The following RPS6KC1 variants were observed in gnomAD, a reference collection of about 807,000 sequenced individuals.
The protein encoded by RPS6KC1 is ribosomal protein S6 kinase C1.
A neutral mutation model predicts 103.8 loss-of-function variants in RPS6KC1; 54 were observed. That is an observed-to-expected ratio of 0.52 (90% confidence interval 0.42 to 0.65). RPS6KC1 has a LOEUF of 0.65. RPS6KC1 is among the 30% of genes least tolerant of loss of function. The pLI is 0.00. For missense variants in RPS6KC1, 1,151 were observed against 1,253.8 expected (o/e 0.92, Z 1.24); for synonymous variants, 439 against 438.7 (o/e 1.00, Z -0.01).
chr1:213,365,580 A>C, the RPS6KC1 span, among the ~76,000 whole-genome samples: 1 of 152,236 alleles, frequency 6.6e-6, no homozygotes, highest in Non-Finnish European at 1.5e-5. Context: ...AGAAGATAAA[A>C]ACTTTTGGCC....
the RPS6KC1 span, among the ~76,000 whole-genome samples, chr1:213,536,523 G>A: frequency 6.6e-6 from 1 of 152,170 alleles, no homozygotes; most frequent in African/African-American, 2.4e-5. Flanking sequence ...ACAACACCTG[G>A]GGTATAGTGA....
chr1:213,583,558 T>C, the RPS6KC1 span, among the ~76,000 whole-genome samples: 5 of 152,048 alleles, frequency 3.3e-5, no homozygotes, highest in Non-Finnish European at 7.4e-5. Flanking sequence ...CGATGGCTCA[T>C]GACTGTAATC....
At chr1:213,319,315 A>AAG in the RPS6KC1 span, among the ~76,000 whole-genome samples, 10 of 151,086 alleles carry the variant, frequency 6.6e-5, no homozygotes, top group East Asian at 9.7e-4. Context: ...TCTGTCTCAA[A>AAG]AAAAAAAAAA....
At chr1:213,385,503 A>T in the RPS6KC1 span, among the ~76,000 whole-genome samples, 11 of 152,154 alleles carry the variant, frequency 7.2e-5, no homozygotes, top group Admixed American at 2.6e-4. Flanking sequence ...GGTAACATTG[A>T]CGTGGTGGAG....
At chr1:213,059,822 G>A (rs1211734230) in intron 1 of RPS6KC1, among the ~76,000 whole-genome samples, 7 of 152,218 alleles carry the variant, frequency 4.6e-5, no homozygotes, top group Non-Finnish European at 7.4e-5. Context: ...ACAGGCACCC[G>A]CCACCGTGCC....
intron 6 of RPS6KC1, among the ~76,000 whole-genome samples, chr1:213,152,769 C>T (rs2089350877): frequency 6.6e-6 from 1 of 150,648 alleles, no homozygotes; most frequent in Non-Finnish European, 1.5e-5. Context: ...GGCAGCCAGG[C>T]AGAGGGGCTC....
intron 8 of RPS6KC1, among the ~76,000 whole-genome samples, chr1:213,179,481 A>G (rs2092120207): frequency 6.6e-6 from 1 of 152,148 alleles, no homozygotes; most frequent in Non-Finnish European, 1.5e-5. Context: ...TTTAAAGATA[A>G]GTTACTTTCT....
the RPS6KC1 span, among the ~76,000 whole-genome samples, chr1:213,727,026 G>A: frequency 2.0e-5 from 3 of 152,360 alleles, no homozygotes; most frequent in African/African-American, 7.2e-5. Flanking sequence ...TAAAGGGCCA[G>A]CTGGAGAATT....
At chr1:213,197,345 A>G (rs1472617954) in intron 8 of RPS6KC1, among the ~76,000 whole-genome samples, 1 of 152,074 alleles carries the variant, frequency 6.6e-6, no homozygotes, top group Non-Finnish European at 1.5e-5. Flanking sequence ...TTTGGTGGGA[A>G]TTGCACTGAA....
the RPS6KC1 span, among the ~76,000 whole-genome samples, chr1:213,825,669 C>T: frequency 1.3e-5 from 2 of 150,304 alleles, no homozygotes; most frequent in Non-Finnish European, 3.0e-5. Flanking sequence ...TGCCAAGCAC[C>T]AGTGAACTTC....
chr1:213,762,638 T>C, the RPS6KC1 span, among the ~76,000 whole-genome samples: 2 of 152,344 alleles, frequency 1.3e-5, no homozygotes, highest in African/African-American at 4.8e-5. Context: ...TTTCTTTCCA[T>C]GCTAATAATA....
intron 5 of RPS6KC1, among the ~76,000 whole-genome samples, chr1:213,120,292 CT>C (rs1047604600): frequency 5.9e-5 from 9 of 152,286 alleles, no homozygotes; most frequent in African/African-American, 2.2e-4. Flanking sequence ...TTTTTCTCCC[CT>C]CCCTTTAAAA....
the RPS6KC1 span, among the ~76,000 whole-genome samples, chr1:213,606,960 T>C: frequency 7.0e-3 from 1,072 of 152,324 alleles, 13 homozygotes; most frequent in African/African-American, 0.024. Flanking sequence ...CATCTCCATT[T>C]ACAGATGAGG....
the RPS6KC1 span, chr1:213,835,852 C>T: frequency 6.6e-6 from 1 of 152,154 alleles, no homozygotes; most frequent in Non-Finnish European, 1.5e-5. Context: ...TTTTAACTCA[C>T]ATCACGGCTC....
At chr1:213,445,114 G>A in the RPS6KC1 span, among the ~76,000 whole-genome samples, 1 of 152,114 alleles carries the variant, frequency 6.6e-6, no homozygotes, top group Non-Finnish European at 1.5e-5. Flanking sequence ...GTGGCTTTTT[G>A]TATCTGGCTT....
chr1:213,344,531 C>T, the RPS6KC1 span, among the ~76,000 whole-genome samples: 1 of 151,654 alleles, frequency 6.6e-6, no homozygotes, highest in Non-Finnish European at 1.5e-5. Flanking sequence ...AAGTTACCTA[C>T]TTATTGTGCT....
the RPS6KC1 span, among the ~76,000 whole-genome samples, chr1:213,630,256 A>C: frequency 5.9e-5 from 9 of 152,168 alleles, no homozygotes; most frequent in Non-Finnish European, 1.0e-4. Flanking sequence ...ACATAGTCCC[A>C]TATTTCTTGG....
intron 1 of RPS6KC1, among the ~76,000 whole-genome samples, chr1:213,068,423 G>A (rs1319781314): frequency 2.3e-5 from 3 of 132,676 alleles, no homozygotes; most frequent in Non-Finnish European, 4.6e-5. Flanking sequence ...GGTGGAGGTT[G>A]CAGTGAGCCA....
At position 213,151,578 on chromosome 1, in the gene RPS6KC1, G is replaced by A. The variant is rs868075984; in HGVS notation, c.836-16280G>A. On this transcript the variant is annotated intron_variant, in intron 6 of 14. Transcript: ENST00000366960. ...AGAGGCGCCCCTCACCTCCCGGATGGGGCGGCTGGCCGGGCGGGGGGCTGA... is the reference window on the plus strand; with the variant it reads ...AGAGGCGCCCCTCACCTCCCGGATGAGGCGGCTGGCCGGGCGGGGGGCTGA... 6.6e-4 allele frequency among the ~76,000 whole-genome samples: 59 copies of A among 89,386 alleles called. 3 individuals carry two copies. The highest frequency in any genetic ancestry group is 8.6e-3 in the Middle Eastern group (1 of 116). The allele number at this position is 89,386 out of a possible 152,430, so 58.6% of individuals were successfully genotyped here.
Sources: allele counts gnomAD v4.1 joint callset (sites outside exome capture counted in the v4.1 genomes callset), GRCh38; gene constraint gnomAD v4.1.1; transcripts MANE v1.5; gene names NCBI Gene and HGNC (gene_info 2026-07-23, HGNC 2026-07-21).